MTSS1: variants seen among roughly 807,000 people sequenced by gnomAD.
MTSS1 encodes the protein protein MTSS 1.
In MTSS1, 18 loss-of-function variants were observed where a neutral mutation model predicts 79.0. The observed-to-expected ratio is 0.23, with a 90% confidence interval of 0.16 to 0.34. MTSS1 has a LOEUF of 0.34. Ranked by LOEUF, MTSS1 falls within the 10% of genes least tolerant of loss-of-function variation. The pLI, the probability that MTSS1 is intolerant of heterozygous loss-of-function variation, is 1.00. For missense variants in MTSS1, 815 were observed against 986.2 expected, an observed-to-expected ratio of 0.83 and a Z score of 2.33; for synonymous variants, 341 against 368.6, an observed-to-expected ratio of 0.93 and a Z score of 0.86.
intron 11 of MTSS1, 64 bp downstream of exon 11, chr8:124,557,617 G>T: frequency 1.4e-6 from 2 of 1,433,952 alleles, no homozygotes; most frequent in Non-Finnish European, 1.9e-6. Context: ...TGAGGGGGTT[G>T]GAACAGAAGA....
At chr8:124,685,690 A>G (rs1826850358) in intron 3 of MTSS1, among the ~76,000 whole-genome samples, 1 of 152,342 alleles carries the variant, frequency 6.6e-6, no homozygotes, top group South Asian at 2.1e-4. Flanking sequence ...TCAAGACACC[A>G]TTCATCCCCC....
intron 3 of MTSS1, among the ~76,000 whole-genome samples, chr8:124,636,178 G>A (rs1048853120): frequency 6.6e-6 from 1 of 152,172 alleles, no homozygotes; most frequent in African/African-American, 2.4e-5. Context: ...CGCCCAGGCT[G>A]GAGTGCAGTG....
intron 3 of MTSS1, among the ~76,000 whole-genome samples, chr8:124,655,620 G>A (rs1426709606): frequency 6.6e-6 from 1 of 152,224 alleles, no homozygotes; most frequent in Non-Finnish European, 1.5e-5. Flanking sequence ...CTAGCTGCCT[G>A]GGAGATAAAT....
chr8:124,611,605 T>C (rs1193253920), intron 3 of MTSS1, among the ~76,000 whole-genome samples: 1 of 152,130 alleles, frequency 6.6e-6, no homozygotes, highest in Non-Finnish European at 1.5e-5. Context: ...ACTTTACAGA[T>C]GGCCTTTAGA....
chr8:124,640,988 C>T (rs1817934825), intron 3 of MTSS1, among the ~76,000 whole-genome samples: 1 of 151,922 alleles, frequency 6.6e-6, no homozygotes, highest in Admixed American at 6.6e-5. Flanking sequence ...AACGAGTTCT[C>T]TTTTCACACT....
intron 3 of MTSS1, among the ~76,000 whole-genome samples, chr8:124,688,645 TAACAAACA>T (rs1827423689): frequency 1.3e-5 from 2 of 152,188 alleles, no homozygotes; most frequent in Non-Finnish European, 2.9e-5. Flanking sequence ...GGTTTCTTAT[TAACAAACA>T]AGCAAACCAA....
chr8:124,574,707 T>C (rs1828632141), intron 6 of MTSS1, among the ~76,000 whole-genome samples: 1 of 152,086 alleles, frequency 6.6e-6, no homozygotes, highest in Non-Finnish European at 1.5e-5. Flanking sequence ...GGCAAAGGGC[T>C]CTCCAACGGG....
At chr8:124,643,998 C>T (rs1273602997) in intron 3 of MTSS1, among the ~76,000 whole-genome samples, 1 of 152,072 alleles carries the variant, frequency 6.6e-6, no homozygotes, top group Admixed American at 6.6e-5. Flanking sequence ...GGACAAAGCA[C>T]ACTAAAGAGA....
chr8:124,646,650 C>T (rs995265695), intron 3 of MTSS1, among the ~76,000 whole-genome samples: 1 of 152,052 alleles, frequency 6.6e-6, no homozygotes, highest in Non-Finnish European at 1.5e-5. Flanking sequence ...AGACAAAATG[C>T]CCGTGAGTTT....
intron 6 of MTSS1, among the ~76,000 whole-genome samples, chr8:124,584,676 C>T (rs140077667): frequency 1.3e-5 from 2 of 152,272 alleles, no homozygotes; most frequent in East Asian, 3.9e-4. Context: ...AGCATTCTCA[C>T]AAGACTTAAT....
chr8:124,643,601 A>G (rs1387928047), intron 3 of MTSS1, among the ~76,000 whole-genome samples: 3 of 150,504 alleles, frequency 2.0e-5, no homozygotes, highest in African/African-American at 7.3e-5. Context: ...GGGAGGCTGC[A>G]GCAGGAGAAT....
At chr8:124,590,130 C>T (rs975347854) in intron 4 of MTSS1, among the ~76,000 whole-genome samples, 1 of 152,212 alleles carries the variant, frequency 6.6e-6, no homozygotes, top group Non-Finnish European at 1.5e-5. Flanking sequence ...GCTGGGATTA[C>T]AGGCGAGAGC....
At chr8:124,572,640 C>G (rs917883246) in intron 6 of MTSS1, among the ~76,000 whole-genome samples, 1 of 152,178 alleles carries the variant, frequency 6.6e-6, no homozygotes, top group Non-Finnish European at 1.5e-5. Context: ...CCATCACGAT[C>G]TCTCACCTGA....
intron 6 of MTSS1, among the ~76,000 whole-genome samples, chr8:124,571,865 G>A (rs1020736219): frequency 1.6e-4 from 24 of 152,226 alleles, no homozygotes; most frequent in Admixed American, 1.2e-3. Flanking sequence ...TGGGGAGGCT[G>A]AGGCAGAAGA....
chr8:124,604,983 G>T (rs1351522548), intron 3 of MTSS1, among the ~76,000 whole-genome samples: 1 of 152,230 alleles, frequency 6.6e-6, no homozygotes, highest in Non-Finnish European at 1.5e-5. Flanking sequence ...TAAAAGCAAA[G>T]CGAGAATGGT....
At chr8:124,602,207 A>AC in intron 3 of MTSS1, among the ~76,000 whole-genome samples, 11 of 142,226 alleles carry the variant, frequency 7.7e-5, no homozygotes, top group African/African-American at 1.4e-4. Context: ...ATATATATAT[A>AC]ATTTTTTTTT....
At chr8:124,589,842 C>T (rs1369978721) in intron 4 of MTSS1, 131 bp from the exon 5 acceptor site, 3 of 656,048 alleles carry the variant, frequency 4.6e-6, no homozygotes, top group Non-Finnish European at 7.9e-6. Flanking sequence ...CCCGGGGCTC[C>T]AGAACAGCCA....
At chr8:124,564,647 A>G (rs1825976102) in intron 9 of MTSS1, 1 of 150,074 alleles carries the variant, frequency 6.7e-6, no homozygotes, top group Non-Finnish European at 1.5e-5. Flanking sequence ...TTTTACACTA[A>G]TGAGAGATTT....
chr8:124,688,729 C>T lies in MTSS1; in HGVS notation c.208+10797G>A. On this transcript the variant is annotated intron_variant, in intron 3 of 13. Transcript: ENST00000518547. ...ATTTTTTTCACAACCTATGCTGTGT[C>T]CTCCTTGAACTCCCTCACCATGAAA... is the stretch of plus-strand genomic sequence containing the variant. 1.3e-5 allele frequency among the ~76,000 whole-genome samples: 2 copies of T among 152,070 alleles called. 1 individual carries two copies. The highest frequency in any genetic ancestry group is 4.8e-5 in the African/African-American group (2 of 41,386).
Sources: gnomAD v4.1 joint callset for allele counts (sites outside exome capture counted in the v4.1 genomes callset) on GRCh38, gnomAD v4.1.1 for gene constraint, MANE v1.5 for transcripts, NCBI Gene and HGNC (gene_info 2026-07-23, HGNC 2026-07-21) for gene names.